ERCC1: variants seen among roughly 807,000 people sequenced by gnomAD.
The protein encoded by ERCC1 is ERCC excision repair 1, endonuclease non-catalytic subunit, also known as DNA excision repair protein ERCC-1.
A neutral mutation model predicts 37.6 loss-of-function variants in ERCC1; 36 were observed. That is an observed-to-expected ratio of 0.96 (90% CI 0.73 to 1.26). ERCC1 has a LOEUF of 1.26. Among genes scored for constraint, ERCC1 ranks in the 50% most tolerant of loss-of-function variants. ERCC1 has a pLI of 0.00. For missense variants in ERCC1, 349 were observed against 376.5 expected, an observed-to-expected ratio of 0.93 and a Z score of 0.60; for synonymous variants, 156 against 162.1, an observed-to-expected ratio of 0.96 and a Z score of 0.28.
At chr19:45,421,441 G>T in intron 2 of ERCC1, 48 bp from the exon 3 acceptor site, 1 of 1,347,042 alleles carries the variant, frequency 7.4e-7, no homozygotes, top group Non-Finnish European at 1.0e-6. Flanking sequence ...GGTGAGCAGA[G>T]GACATCTGAG....
Position 45,408,734 on chromosome 19 carries a change from C to T in ERCC1, c.*941G>A. 1.9e-6 allele frequency: 3 copies of T among 1,613,792 alleles called. No homozygotes were observed. In the Middle Eastern group the frequency reaches 4.9e-4, roughly 266 times the overall value. ...GTCCACCACCAAGAAGAGGAAGAAG[C>T]CCAAAGGGAAAGAAACCTTCGAGCC... On this transcript the variant is annotated 3_prime_UTR_variant, in exon 10 of 10. Coordinates refer to ENST00000300853, the MANE Select transcript of ERCC1 (RefSeq NM_001983.4).
chr19:45,439,930 T>C (rs1975076140), intron 1 of ERCC1, among the ~76,000 whole-genome samples: 2 of 152,154 alleles, frequency 1.3e-5, no homozygotes, highest in Non-Finnish European at 1.5e-5. Flanking sequence ...CCAGCTCCGC[T>C]AAAAATAGTT....
chr19:45,438,030 C>G (rs1457641833), intron 1 of ERCC1, among the ~76,000 whole-genome samples: 2 of 151,760 alleles, frequency 1.3e-5, no homozygotes, highest in Non-Finnish European at 2.9e-5. Flanking sequence ...GCCTCCGCCT[C>G]CCGAGTAGCT....
At position 45,408,656 on chromosome 19, in the gene ERCC1, G is replaced by C. The variant is rs1476002109; in HGVS notation, c.*1019C>G. The C allele has an allele frequency of 1.2e-6, 2 of 1,613,936 alleles. No individual in the cohort carries two copies. Among genetic ancestry groups the C allele is most frequent in the Admixed American group, 1.7e-5 (1 of 60,016 alleles). On this transcript the variant is annotated 3_prime_UTR_variant, in exon 10 of 10. Coordinates refer to ENST00000300853, the MANE Select transcript of ERCC1 (RefSeq NM_001983.4). Reference sequence around the variant, plus strand: ...GAAAGAACCAGAGGCAGCAGGGCCTGTGGGGACAGAGCCCACAGTGGAGAC... The same window carrying C: ...GAAAGAACCAGAGGCAGCAGGGCCTCTGGGGACAGAGCCCACAGTGGAGAC...
intron 9 of ERCC1, among the ~76,000 whole-genome samples, chr19:45,412,832 C>T (rs1375532225): frequency 2.0e-5 from 3 of 151,792 alleles, no homozygotes; most frequent in South Asian, 2.1e-4. Context: ...CTCCACCTCC[C>T]GGGTTCAAAC....
intron 6 of ERCC1, chr19:45,415,774 A>G (rs1214693667): frequency 2.2e-6 from 1 of 455,258 alleles, no homozygotes; most frequent in South Asian, 1.5e-5. Context: ...AGCTCTTGGG[A>G]GCCCAACCCC....
chr19:45,409,505 G>GC lies in ERCC1; in HGVS notation c.*169dup, dbSNP rs757317847. Reference sequence around the variant, plus strand: ...GCAGCAGCAGCAGCCTGTGTAGTCTGCCCCCGGGAAACTGAGGAACTAAAG... The same window carrying GC: ...GCAGCAGCAGCAGCCTGTGTAGTCTGCCCCCCGGGAAACTGAGGAACTAAAG... On this transcript the variant is annotated 3_prime_UTR_variant, in exon 10 of 10. Transcript: ENST00000300853. 14 of 1,600,920 alleles carry GC rather than the reference G, an allele frequency of 8.7e-6. No homozygotes were observed. The highest frequency in any genetic ancestry group is 2.2e-5 in the South Asian group (2 of 89,704).
chr19:45,413,593 CT>C, intron 9 of ERCC1, 83 bp downstream of exon 9: 1 of 1,614,190 alleles, frequency 6.2e-7, no homozygotes, highest in Non-Finnish European at 8.5e-7. Flanking sequence ...CTTTTTTCAC[CT>C]TAAAACTTTG....
intron 5 of ERCC1, among the ~76,000 whole-genome samples, chr19:45,418,573 C>T (rs1423764868): frequency 6.6e-6 from 1 of 151,260 alleles, no homozygotes; most frequent in African/African-American, 2.4e-5. Context: ...CCTGTAATCC[C>T]AGCCTTTGGG....
intron 1 of ERCC1, among the ~76,000 whole-genome samples, chr19:45,447,270 CTTTTT>C (rs57063523): frequency 9.7e-6 from 1 of 102,750 alleles, no homozygotes. Flanking sequence ...AGATTTGCTT[CTTTTT>C]TTTTTTTTTT....
intron 1 of ERCC1, among the ~76,000 whole-genome samples, chr19:45,448,434 A>T (rs1211478516): frequency 6.6e-6 from 1 of 152,178 alleles, no homozygotes; most frequent in African/African-American, 2.4e-5. Context: ...GTAATAAAGG[A>T]AAATCACAAA....
chr19:45,424,007 T>A, upstream of ERCC1: 1 of 1,052,780 alleles, frequency 9.5e-7, no homozygotes, highest in Non-Finnish European at 1.1e-6. Flanking sequence ...ACCGCGGAGG[T>A]CGTGGGAGGA....
At chr19:45,451,163 T>G (rs887290956) in intron 1 of ERCC1, among the ~76,000 whole-genome samples, 27 of 152,080 alleles carry the variant, frequency 1.8e-4, no homozygotes, top group Non-Finnish European at 8.8e-5. Context: ...TCCTCCTGTC[T>G]GCCCCGGGAC....
chr19:45,413,193 G>C (rs746032275), intron 9 of ERCC1, among the ~76,000 whole-genome samples: 7 of 152,182 alleles, frequency 4.6e-5, no homozygotes, highest in Non-Finnish European at 1.0e-4. Flanking sequence ...TGAGGTCTTA[G>C]ATTTAAGTCT....
upstream of ERCC1, among the ~76,000 whole-genome samples, chr19:45,428,083 C>CTTTTTTTTTTTTTTTTTTTTTTTTTTT (rs5828235): frequency 1.7e-5 from 2 of 116,018 alleles, no homozygotes; most frequent in African/African-American, 3.8e-5. Context: ...TTCTTTCTTT[C>CTTTTTTTTTTTTTTTTTTTTTTTTTTT]TTTTTTTTTT....
chr19:45,440,762 A>G (rs1197233743), intron 1 of ERCC1, among the ~76,000 whole-genome samples: 1 of 152,054 alleles, frequency 6.6e-6, no homozygotes, highest in African/African-American at 2.4e-5. Flanking sequence ...CCCAGGCTGG[A>G]GTGCAGTGTT....
chr19:45,440,041 C>A lies in ERCC1; in HGVS notation c.-7-16660G>T, dbSNP rs1975080027. Among the ~76,000 whole-genome samples the A allele has an allele frequency of 2.0e-5, 3 of 152,084 alleles. No homozygotes were observed. In the South Asian group the frequency reaches 6.2e-4, roughly 31 times the overall value. ...GGGGGAGCGCGCGGGGGGAGCGGTG[C>A]TGGGCGCAGCCCGGCCGAGCAGGCG... is the stretch of plus-strand genomic sequence containing the variant. On this transcript the variant is annotated intron_variant, in intron 1 of 8. Transcript: ENST00000423698.
chr19:45,451,310 C>A (rs930485718), intron 1 of ERCC1, among the ~76,000 whole-genome samples: 1 of 152,180 alleles, frequency 6.6e-6, no homozygotes, highest in African/African-American at 2.4e-5. Context: ...ACACACTTCG[C>A]TGGCCTGCCG....
In ERCC1 at chr19:45,408,632, A is replaced by T; in HGVS notation, c.*1043T>A. The T allele has an allele frequency of 1.2e-6, 2 of 1,613,796 alleles. No homozygotes were observed. The highest frequency in any genetic ancestry group is 1.7e-6 in the Non-Finnish European group (2 of 1,180,006). ...GAAGAAGAAAAAAAATCAGCAGCTGAAAGAACCAGAGGCAGCAGGGCCTGT... is the reference window on the plus strand; with the variant it reads ...GAAGAAGAAAAAAAATCAGCAGCTGTAAGAACCAGAGGCAGCAGGGCCTGT... On this transcript the variant is annotated 3_prime_UTR_variant, in exon 10 of 10. Transcript: ENST00000300853.
Sources: gnomAD v4.1 joint callset for allele counts (sites outside exome capture counted in the v4.1 genomes callset) on GRCh38, gnomAD v4.1.1 for gene constraint, MANE v1.5 for transcripts, NCBI Gene and HGNC (gene_info 2026-07-23, HGNC 2026-07-21) for gene names.